NXN: variants seen among roughly 807,000 people sequenced by gnomAD.
The protein encoded by NXN is nucleoredoxin 1.
NXN carries 16 observed loss-of-function variants against 48.6 expected under a neutral mutation model. That is an observed-to-expected ratio of 0.33 (90% confidence interval 0.22 to 0.50). The LOEUF (loss-of-function observed/expected upper bound fraction) is 0.50, where lower values mean the gene tolerates loss of function less well. Ranked by LOEUF, NXN falls within the 20% of genes least tolerant of loss-of-function variation. The probability of loss-of-function intolerance (pLI) is 0.98; values close to 1 mark genes in which losing one functional copy is unlikely to be tolerated. For missense variants in NXN, 492 were observed against 605.5 expected, an observed-to-expected ratio of 0.81 and a Z score of 1.97; for synonymous variants, 281 against 269.6, an observed-to-expected ratio of 1.04 and a Z score of -0.41.
intron 1 of NXN, among the ~76,000 whole-genome samples, chr17:903,065 C>T (rs1311857181): frequency 3.3e-5 from 5 of 151,984 alleles, no homozygotes; most frequent in Admixed American, 3.3e-4. Context: ...CCACCGCACC[C>T]AGCCTCCCCT....
At chr17:957,537 CAGG>C (rs1359181386) in intron 1 of NXN, among the ~76,000 whole-genome samples, 4 of 151,328 alleles carry the variant, frequency 2.6e-5, no homozygotes, top group Non-Finnish European at 1.5e-5. Flanking sequence ...GAGGCTGAGG[CAGG>C]AGAACTGCTT....
At chr17:834,099 C>T (rs1313192427) in intron 1 of NXN, among the ~76,000 whole-genome samples, 1 of 152,168 alleles carries the variant, frequency 6.6e-6, no homozygotes, top group Non-Finnish European at 1.5e-5. Flanking sequence ...GCGGGTGGAT[C>T]GCTTGAGCCC....
chr17:891,598 C>T (rs497395), intron 1 of NXN, among the ~76,000 whole-genome samples: 16,322 of 152,234 alleles, frequency 0.11, 1,190 homozygotes, highest in South Asian at 0.23. Context: ...GGCTATGATG[C>T]TTCAACACGG....
intron 1 of NXN, among the ~76,000 whole-genome samples, chr17:924,424 A>G (rs567285440): frequency 5.2e-4 from 79 of 152,260 alleles, no homozygotes; most frequent in African/African-American, 1.8e-3. Context: ...TTTAGTAGAG[A>G]TGGGGTTTCA....
intron 5 of NXN, among the ~76,000 whole-genome samples, chr17:809,084 G>A (rs1911757266): frequency 6.6e-6 from 1 of 152,190 alleles, no homozygotes; most frequent in South Asian, 2.1e-4. Flanking sequence ...CCTCCGTGAT[G>A]GGCTGGAAGA....
At chr17:962,828 A>ACGGCAGAGCCCAG (rs1192991398) in intron 1 of NXN, among the ~76,000 whole-genome samples, 1 of 152,172 alleles carries the variant, frequency 6.6e-6, no homozygotes, top group South Asian at 2.1e-4. Flanking sequence ...GCTTATCCAA[A>ACGGCAGAGCCCAG]CGGCAGAGCC....
In NXN at chr17:813,015, T is replaced by C. The variant is rs572146006; in HGVS notation, c.820+6424A>G. ...ATGTAGGTGTTTGCATGTGTGTAGG[T>C]TGTGTGCACGCGTGTGTGAATGTGT... On this transcript the variant is annotated intron_variant, in intron 5 of 7. Coordinates refer to ENST00000336868, the MANE Select transcript of NXN (RefSeq NM_022463.5). Among the ~76,000 whole-genome samples, 3 of 151,772 alleles carry C rather than the reference T, an allele frequency of 2.0e-5. No homozygotes were observed. In the South Asian group the frequency reaches 6.2e-4, roughly 32 times the overall value.
At chr17:881,199 G>T (rs117381300) in intron 1 of NXN, among the ~76,000 whole-genome samples, 2 of 152,210 alleles carry the variant, frequency 1.3e-5, no homozygotes, top group African/African-American at 2.4e-5. Context: ...GGGTGAGGAC[G>T]TGGAGCAAGT....
rs71145789 is a variant in NXN at position 895,656 on chromosome 17, CAA to C, written c.361-69580_361-69579del. Among the ~76,000 whole-genome samples the C allele has an allele frequency of 3.2e-3, 463 of 144,238 alleles. 4 individuals carry two copies. The highest frequency in any genetic ancestry group is 9.0e-3 in the African/African-American group (350 of 38,958). 94.6% of individuals were successfully genotyped at this position (144,238 alleles called of 152,430 possible). On this transcript the variant is annotated intron_variant, in intron 1 of 7. Transcript: ENST00000336868. The stretch of plus-strand genomic sequence containing the variant: ...TGAAACCCCGTCTCTACTTAAAATA[CAA>C]AAAAAAAAAATTAGCCAGGCGTGGT...
intron 3 of NXN, among the ~76,000 whole-genome samples, chr17:823,153 C>T (rs1270205480): frequency 6.7e-6 from 1 of 149,570 alleles, no homozygotes; most frequent in African/African-American, 2.5e-5. Context: ...AATCCCAGCA[C>T]TTTGGGAGGC....
chr17:938,281 C>T (rs1230774058), intron 1 of NXN, among the ~76,000 whole-genome samples: 2 of 152,210 alleles, frequency 1.3e-5, no homozygotes, highest in Non-Finnish European at 2.9e-5. Flanking sequence ...AGGCCCAGGT[C>T]GGCGGTTAGA....
At chr17:893,168 G>A (rs1163133706) in intron 1 of NXN, among the ~76,000 whole-genome samples, 3 of 152,268 alleles carry the variant, frequency 2.0e-5, no homozygotes, top group Non-Finnish European at 4.4e-5. Context: ...GTCTCCAGCA[G>A]GGCAATGCTC....
At chr17:803,617 G>C in intron 7 of NXN, 65 bp downstream of exon 7, 1 of 1,606,976 alleles carries the variant, frequency 6.2e-7, no homozygotes, top group East Asian at 2.2e-5. Context: ...CTGGGGCCAG[G>C]ATCAGTCCTG....
chr17:974,177 G>A (rs936165195), intron 1 of NXN, among the ~76,000 whole-genome samples: 4 of 151,430 alleles, frequency 2.6e-5, no homozygotes, highest in African/African-American at 7.3e-5. Context: ...GTGAAACCCC[G>A]TCTCTACTAA....
chr17:943,346 C>T (rs1000577073), intron 1 of NXN, among the ~76,000 whole-genome samples: 2 of 152,092 alleles, frequency 1.3e-5, no homozygotes, highest in African/African-American at 2.4e-5. Context: ...GGAAAGGAGG[C>T]TCCACGGAGG....
chr17:836,976 T>TATTATTATTATTA (rs1913863341), intron 1 of NXN, among the ~76,000 whole-genome samples: 1 of 149,876 alleles, frequency 6.7e-6, no homozygotes, highest in African/African-American at 2.5e-5. Flanking sequence ...TTATTATTAT[T>TATTATTATTATTA]ATTATTATTA....
chr17:879,686 C>T (rs913578437), intron 1 of NXN, among the ~76,000 whole-genome samples: 5 of 152,146 alleles, frequency 3.3e-5, no homozygotes, highest in African/African-American at 1.2e-4. Context: ...ACACAAAGGC[C>T]TCTTGGGAAC....
chr17:874,825 C>T (rs1597683977), intron 1 of NXN, among the ~76,000 whole-genome samples: 1 of 152,212 alleles, frequency 6.6e-6, no homozygotes, highest in South Asian at 2.1e-4. Context: ...ACAAAGGCAG[C>T]CAGTCACTAC....
intron 1 of NXN, 131 bp from the exon 2 acceptor site, chr17:826,209 G>A: frequency 1.4e-6 from 1 of 735,496 alleles, no homozygotes. Flanking sequence ...AATAATGGAT[G>A]CCAAGCAGGG....
Sources: allele counts gnomAD v4.1 joint callset (sites outside exome capture counted in the v4.1 genomes callset), GRCh38; gene constraint gnomAD v4.1.1; transcripts MANE v1.5; gene names NCBI Gene and HGNC (gene_info 2026-07-23, HGNC 2026-07-21).